ZFYVE28: variants seen among roughly 807,000 people sequenced by gnomAD.
ZFYVE28 encodes the protein zinc finger FYVE-type containing 28.
In ZFYVE28, 40 loss-of-function variants were observed where a neutral mutation model predicts 82.1. The ratio of observed to expected loss-of-function variants is 0.49; its 90% CI spans 0.38 to 0.63. The LOEUF (loss-of-function observed/expected upper bound fraction) is 0.63. Ranked by LOEUF, ZFYVE28 falls within the 30% of genes least tolerant of loss-of-function variation. The pLI, the probability that ZFYVE28 is intolerant of heterozygous loss-of-function variation, is 0.00. For missense variants in ZFYVE28, 1,321 were observed against 1,242.1 expected (o/e 1.06, Z -0.96); for synonymous variants, 612 against 546.1 (o/e 1.12, Z -1.68).
At chr4:2,344,334 C>G (rs147483646) in intron 2 of ZFYVE28, among the ~76,000 whole-genome samples, 9 of 152,284 alleles carry the variant, frequency 5.9e-5, no homozygotes, top group African/African-American at 2.2e-4. Flanking sequence ...GTGACAGGAG[C>G]TCTCCAGGAG....
chr4:2,313,670 A>T (rs2108831953), intron 7 of ZFYVE28, among the ~76,000 whole-genome samples: 1 of 152,252 alleles, frequency 6.6e-6, no homozygotes, highest in Admixed American at 6.5e-5. Context: ...GTTCAGGACC[A>T]GCCTGGCCAA....
intron 7 of ZFYVE28, among the ~76,000 whole-genome samples, chr4:2,310,983 G>A (rs1360341283): frequency 6.6e-6 from 1 of 151,796 alleles, no homozygotes; most frequent in East Asian, 1.9e-4. Flanking sequence ...AATAGATATT[G>A]GATTAAAAGG....
At chr4:2,309,613 T>C (rs1440015874) in intron 7 of ZFYVE28, among the ~76,000 whole-genome samples, 1 of 152,220 alleles carries the variant, frequency 6.6e-6, no homozygotes, top group Non-Finnish European at 1.5e-5. Flanking sequence ...TCCAATGCTG[T>C]GTAACTTCCT....
intron 1 of ZFYVE28, among the ~76,000 whole-genome samples, chr4:2,370,671 G>A (rs557377890): frequency 3.6e-4 from 55 of 152,322 alleles, no homozygotes; most frequent in African/African-American, 1.3e-3. Context: ...TCACTGTACC[G>A]GGAGAGGGGT....
At chr4:2,370,893 G>A (rs1727476267) in intron 1 of ZFYVE28, among the ~76,000 whole-genome samples, 1 of 152,254 alleles carries the variant, frequency 6.6e-6, no homozygotes, top group African/African-American at 2.4e-5. Flanking sequence ...TGGGTCACGT[G>A]TGTCTCGGAT....
At chr4:2,381,241 G>C (rs185481694) in intron 1 of ZFYVE28, among the ~76,000 whole-genome samples, 47 of 152,324 alleles carry the variant, frequency 3.1e-4, no homozygotes, top group African/African-American at 1.0e-3. Context: ...CTGCCCTAGA[G>C]ATTTGTGGAA....
At chr4:2,340,267 T>C (rs1722581342) in intron 3 of ZFYVE28, among the ~76,000 whole-genome samples, 1 of 152,154 alleles carries the variant, frequency 6.6e-6, no homozygotes, top group Admixed American at 6.5e-5. Flanking sequence ...TAAGGAGGGC[T>C]CCTCCGCACC....
intron 2 of ZFYVE28, among the ~76,000 whole-genome samples, chr4:2,350,170 G>A (rs1724160913): frequency 6.6e-6 from 1 of 152,106 alleles, no homozygotes; most frequent in African/African-American, 2.4e-5. Context: ...TATTTAGAAA[G>A]TATGATATTG....
At chr4:2,393,707 G>T (rs377280428) in intron 1 of ZFYVE28, among the ~76,000 whole-genome samples, 1 of 152,146 alleles carries the variant, frequency 6.6e-6, no homozygotes, top group Admixed American at 6.5e-5. Flanking sequence ...GACTCCCGCC[G>T]GCCCCTTGCC....
intron 2 of ZFYVE28, among the ~76,000 whole-genome samples, 159 bp downstream of exon 2, chr4:2,353,774 C>T (rs986061374): frequency 3.3e-5 from 5 of 152,312 alleles, no homozygotes; most frequent in East Asian, 3.9e-4. Context: ...GCATCCTGCC[C>T]GGGATGGTCC....
chr4:2,356,006 G>A (rs895745041), intron 1 of ZFYVE28, among the ~76,000 whole-genome samples: 5 of 152,198 alleles, frequency 3.3e-5, no homozygotes, highest in Non-Finnish European at 5.9e-5. Context: ...TCTCCGTCGG[G>A]GCCGTTTCCT....
chr4:2,273,998 C>T, intron 9 of ZFYVE28, 64 bp downstream of exon 9: 4 of 1,575,068 alleles, frequency 2.5e-6, no homozygotes, highest in South Asian at 2.3e-5. Flanking sequence ...CCCGCCTGAC[C>T]TCCCCTAAAG....
chr4:2,315,397 T>C (rs1259603369), intron 7 of ZFYVE28, among the ~76,000 whole-genome samples: 1 of 152,104 alleles, frequency 6.6e-6, no homozygotes. Context: ...GTGATTCTCG[T>C]GTCTCAGCTG....
chr4:2,354,926 CT>C (rs547658281), intron 1 of ZFYVE28, among the ~76,000 whole-genome samples: 2 of 152,000 alleles, frequency 1.3e-5, no homozygotes, highest in Admixed American at 6.6e-5. Context: ...TTCACAGCAT[CT>C]CAGTTTCCAC....
At position 2,305,384 on chromosome 4, in the gene ZFYVE28, G is replaced by C. The variant is rs1376784401; in HGVS notation, c.956C>G (p.Pro319Arg). ...CGGGTCTTTGGCCTTAGCTGAGAGT[G>C]GCCCCTCAGGGGGGAGAGGGGCAGA... ...ALSAPLPPEG[P>R]LSAKAKDPDA... The change falls in exon 8 of 13, where the codon CCA becomes CGA. Residue 319 changes from proline to arginine, a missense_variant. Pro to Arg is a moderately radical substitution (Grantham distance 103). Transcript: ENST00000290974. The C allele has an allele frequency of 5.0e-6, 8 of 1,612,582 alleles. No individual in the cohort carries two copies. The Admixed American group carries it at 1.3e-4, about 27-fold the overall frequency.
intron 7 of ZFYVE28, among the ~76,000 whole-genome samples, chr4:2,314,904 G>A (rs753578172): frequency 6.6e-5 from 10 of 152,034 alleles, no homozygotes; most frequent in Admixed American, 1.3e-4. Context: ...TTAGCCTCCT[G>A]AGTAAGATGG....
At chr4:2,334,105 G>T (rs1366394743) in intron 6 of ZFYVE28, among the ~76,000 whole-genome samples, 1 of 152,160 alleles carries the variant, frequency 6.6e-6, no homozygotes, top group African/African-American at 2.4e-5. Context: ...GCCTCCCTCT[G>T]GCGCGATGTG....
At chr4:2,333,804 C>G (rs1432639291) in intron 6 of ZFYVE28, among the ~76,000 whole-genome samples, 1 of 152,242 alleles carries the variant, frequency 6.6e-6, no homozygotes, top group Non-Finnish European at 1.5e-5. Context: ...CTCGCAGGAT[C>G]TTTGCTGTTC....
rs969757303 is a variant in ZFYVE28, at chr4:2,339,396, T to C, written c.521+57A>G. On this transcript the variant is annotated intron_variant, in intron 4 of 12. Coordinates refer to ENST00000290974, the MANE Select transcript of ZFYVE28 (RefSeq NM_020972.3). The surrounding 1 kb of genome is among the most constrained non-coding windows in gnomAD (Gnocchi z 5.0). ...AAGTATCAGGGTGAGCCCCGGAAGC[T>C]GGCACAACCGTCCCCCAGCTCATAC... The C allele has an allele frequency of 2.6e-6, 4 of 1,568,504 alleles. No homozygotes were observed. In the African/African-American group the frequency reaches 4.0e-5, roughly 16 times the overall value.
Sources: gnomAD v4.1 joint callset for allele counts (sites outside exome capture counted in the v4.1 genomes callset) on GRCh38, gnomAD v4.1.1 for gene constraint, Gnocchi (gnomAD v3.1) non-coding constraint, MANE v1.5 for transcripts, NCBI Gene and HGNC (gene_info 2026-07-23, HGNC 2026-07-21) for gene names.